Variants in FYN observed in about 807,000 individuals in gnomAD.
FYN encodes FYN proto-oncogene, Src family tyrosine kinase.
FYN carries 10 observed loss-of-function variants against 70.2 expected under a neutral mutation model. The observed-to-expected ratio is 0.14, with a 90% CI of 0.09 to 0.24. The LOEUF (loss-of-function observed/expected upper bound fraction) is 0.24. FYN is among the 10% of genes least tolerant of loss of function. The pLI is 1.00. For missense variants in FYN, 319 were observed against 673.1 expected (o/e 0.47, Z 5.82); for synonymous variants, 236 against 248.6 (o/e 0.95, Z 0.48).
chr6:111,665,124 G>C (rs1241828557), intron 13 of FYN, among the ~76,000 whole-genome samples: 1 of 152,108 alleles, frequency 6.6e-6, no homozygotes, highest in Non-Finnish European at 1.5e-5. Flanking sequence ...CTTATGATCA[G>C]GAGTGTTTTA....
intron 2 of FYN, among the ~76,000 whole-genome samples, chr6:111,811,141 G>A (rs551517920): frequency 6.6e-6 from 1 of 152,250 alleles, no homozygotes; most frequent in Non-Finnish European, 1.5e-5. Context: ...AAGTAGTCAG[G>A]AGCTGTTAAC....
At chr6:111,784,438 G>A (rs780053002) in intron 2 of FYN, among the ~76,000 whole-genome samples, 167 of 152,292 alleles carry the variant, frequency 1.1e-3, no homozygotes, top group Admixed American at 7.8e-3. Context: ...TGAGAAACTC[G>A]TTTTGCTCAG....
At chr6:111,688,340 TAAAC>T (rs1799123610) in intron 12 of FYN, among the ~76,000 whole-genome samples, 1 of 152,154 alleles carries the variant, frequency 6.6e-6, no homozygotes, top group Admixed American at 6.5e-5. Context: ...ATCAATGCAA[TAAAC>T]AACCCTTTCT....
intron 2 of FYN, among the ~76,000 whole-genome samples, chr6:111,790,608 A>G (rs953127336): frequency 1.3e-5 from 2 of 152,106 alleles, no homozygotes; most frequent in Non-Finnish European, 2.9e-5. Flanking sequence ...CGCCTCCCAC[A>G]TTTTGAATTA....
intron 2 of FYN, among the ~76,000 whole-genome samples, chr6:111,839,107 TACG>T (rs1773275480): frequency 6.6e-6 from 1 of 152,216 alleles, no homozygotes; most frequent in African/African-American, 2.4e-5. Flanking sequence ...CATCTGGCTC[TACG>T]ACATGCCCAG....
rs376867074 is a variant in FYN, at chr6:111,694,565, G to T, written c.1120-37C>A. On this transcript the variant is annotated intron_variant, in intron 11 of 13. Coordinates refer to ENST00000354650, the MANE Select transcript of FYN (RefSeq NM_002037.5). The surrounding 1 kb of genome is among the most constrained non-coding windows in gnomAD (Gnocchi z 5.0). ...CAGGGAACAGGACATGTTACACCACGACCCAATGTACTTAGACACGTCATT... is the reference window on the plus strand; with the variant it reads ...CAGGGAACAGGACATGTTACACCACTACCCAATGTACTTAGACACGTCATT... 1 of 1,613,766 alleles carries T rather than the reference G, an allele frequency of 6.2e-7. No homozygotes were observed. The highest frequency in any genetic ancestry group is 8.5e-7 in the Non-Finnish European group (1 of 1,179,728).
At chr6:111,828,809 A>G (rs1772920038) in intron 2 of FYN, among the ~76,000 whole-genome samples, 1 of 152,256 alleles carries the variant, frequency 6.6e-6, no homozygotes, top group Non-Finnish European at 1.5e-5. Flanking sequence ...TCCAAGATGT[A>G]GTCATGACTG....
At chr6:111,812,461 T>C (rs1158498921) in intron 2 of FYN, among the ~76,000 whole-genome samples, 2 of 152,174 alleles carry the variant, frequency 1.3e-5, no homozygotes, top group Non-Finnish European at 2.9e-5. Context: ...CTGCTTGGTG[T>C]GCACTTTGTG....
At chr6:111,672,092 G>A (rs149501510) in intron 13 of FYN, among the ~76,000 whole-genome samples, 3 of 152,280 alleles carry the variant, frequency 2.0e-5, no homozygotes, top group African/African-American at 7.2e-5. Context: ...CCCAACGCAG[G>A]CTCTCGGCCA....
chr6:111,674,104 A>G (rs56723998), intron 13 of FYN, among the ~76,000 whole-genome samples: 3,932 of 152,234 alleles, frequency 0.026, 179 homozygotes, highest in African/African-American at 0.091. Context: ...AGTGTAATCA[A>G]AAAGCAGTGG....
At chr6:111,753,127 A>G (rs1432107747) in intron 3 of FYN, among the ~76,000 whole-genome samples, 1 of 152,220 alleles carries the variant, frequency 6.6e-6, no homozygotes, top group Middle Eastern at 3.2e-3. Context: ...TCAAGGCATG[A>G]TATATGAAAG....
At chr6:111,796,694 T>C (rs1771815882) in intron 2 of FYN, among the ~76,000 whole-genome samples, 1 of 152,210 alleles carries the variant, frequency 6.6e-6, no homozygotes, top group Admixed American at 6.5e-5. Context: ...GAGCTGGGGA[T>C]CCTGCCATCA....
chr6:111,756,560 T>C (rs1802746230), intron 3 of FYN, among the ~76,000 whole-genome samples: 1 of 151,966 alleles, frequency 6.6e-6, no homozygotes, highest in African/African-American at 2.4e-5. Flanking sequence ...TAAATACAAA[T>C]GTAAAAATCC....
At chr6:111,750,467 A>T (rs1802436155) in intron 3 of FYN, among the ~76,000 whole-genome samples, 1 of 152,222 alleles carries the variant, frequency 6.6e-6, no homozygotes, top group Non-Finnish European at 1.5e-5. Flanking sequence ...CAACCTGCAG[A>T]ACCACGAGCC....
intron 8 of FYN, among the ~76,000 whole-genome samples, chr6:111,701,568 C>T (rs1799838638): frequency 6.6e-6 from 1 of 151,842 alleles, no homozygotes; most frequent in African/African-American, 2.4e-5. Flanking sequence ...TTTTTTTTCC[C>T]CGAGATTAAA....
At chr6:111,778,470 T>C (rs1270079288) in intron 3 of FYN, among the ~76,000 whole-genome samples, 1 of 152,156 alleles carries the variant, frequency 6.6e-6, no homozygotes, top group African/African-American at 2.4e-5. Flanking sequence ...TATACTGTAT[T>C]AATAGTTCAA....
chr6:111,872,376 G>T (rs142419105), intron 1 of FYN, among the ~76,000 whole-genome samples: 1 of 129,022 alleles, frequency 7.8e-6, no homozygotes, highest in Non-Finnish European at 1.6e-5. Flanking sequence ...AGGAGGGAAG[G>T]CTCCAGCACA....
chr6:111,829,366 G>T (rs1015354878), intron 2 of FYN, among the ~76,000 whole-genome samples: 3 of 152,192 alleles, frequency 2.0e-5, no homozygotes, highest in African/African-American at 4.8e-5. Context: ...CCGGTCTGTA[G>T]TAAAATCTAA....
chr6:111,769,279 T>C (rs1438257993), intron 3 of FYN, among the ~76,000 whole-genome samples: 1 of 152,250 alleles, frequency 6.6e-6, no homozygotes, highest in African/African-American at 2.4e-5. Flanking sequence ...TGTGGGGTTC[T>C]GGCCTCTAAT....
Sources: gnomAD v4.1 joint callset for allele counts (sites outside exome capture counted in the v4.1 genomes callset) on GRCh38, gnomAD v4.1.1 for gene constraint, Gnocchi (gnomAD v3.1) non-coding constraint, MANE v1.5 for transcripts, NCBI Gene and HGNC (gene_info 2026-07-23, HGNC 2026-07-21) for gene names.